Variants in ATXN2 observed in about 807,000 individuals in gnomAD.
The protein encoded by ATXN2 is ataxin-2.
In ATXN2, 37 loss-of-function variants were observed where a neutral mutation model predicts 138.6. The observed-to-expected ratio is 0.27, with a 90% confidence interval of 0.21 to 0.35. ATXN2 has a LOEUF of 0.35. Ranked by LOEUF, ATXN2 falls within the 10% of genes least tolerant of loss-of-function variation. The pLI is 1.00. For synonymous variants in ATXN2, 549 were observed against 543.7 expected (o/e 1.01, Z -0.13); for missense variants, 1,216 against 1,480.3 (o/e 0.82, Z 2.93).
intron 1 of ATXN2, among the ~76,000 whole-genome samples, chr12:111,565,273 C>A (rs1882931843): frequency 6.6e-6 from 1 of 152,134 alleles, no homozygotes; most frequent in Non-Finnish European, 1.5e-5. Flanking sequence ...TTTTGACAAG[C>A]TGACCGTCTG....
intron 14 of ATXN2, among the ~76,000 whole-genome samples, chr12:111,507,089 G>A (rs1308296769): frequency 7.3e-5 from 11 of 150,936 alleles, no homozygotes; most frequent in Admixed American, 2.6e-4. Flanking sequence ...CCGCCACCCC[G>A]TCTGGGAAGT....
At chr12:111,535,767 G>A (rs945720309) in intron 5 of ATXN2, among the ~76,000 whole-genome samples, 15 of 151,988 alleles carry the variant, frequency 9.9e-5, no homozygotes, top group South Asian at 4.2e-4. Context: ...TTGGGAGGCC[G>A]AGGTGGGCGG....
chr12:111,472,615 C>G (rs896370755), intron 18 of ATXN2, among the ~76,000 whole-genome samples: 8 of 152,202 alleles, frequency 5.3e-5, no homozygotes, highest in Admixed American at 5.2e-4. Flanking sequence ...GTTGCCCAAG[C>G]TGGAGTGCAG....
chr12:111,456,242 C>T lies in ATXN2; in HGVS notation c.3057G>A (p.Gln1019=). 1 of 1,614,196 alleles carries T rather than the reference C, an allele frequency of 6.2e-7. No homozygotes were observed. The highest frequency in any genetic ancestry group is 8.5e-7 in the Non-Finnish European group (1 of 1,180,040). Residue 1019 remains glutamine, a synonymous_variant, in exon 23 of 25, where the codon CAG becomes CAA. Coordinates refer to ENST00000673436, the MANE Select transcript of ATXN2 (RefSeq NM_001372574.1). ...APSPVQHHQH[Q]AAQALHLASP... ...TGGCCAGATGGAGAGCCTGGGCGGC[C>T]TGGTGCTGATGGTGCTGCAAAGCGA...
chr12:111,454,467 G>C (rs1354648803), intron 23 of ATXN2: 1 of 154,014 alleles, frequency 6.5e-6, no homozygotes, highest in Non-Finnish European at 1.4e-5. Context: ...AGGAGTTGGA[G>C]TTTTTAATGG....
At chr12:111,560,806 T>C (rs927747381) in intron 1 of ATXN2, among the ~76,000 whole-genome samples, 2 of 149,794 alleles carry the variant, frequency 1.3e-5, no homozygotes, top group Non-Finnish European at 3.0e-5. Flanking sequence ...CCCCACCCAC[T>C]GGAAAAAGAA....
At chr12:111,456,397 G>GAGCA in intron 22 of ATXN2, 141 bp from the exon 23 acceptor site, 1 of 846,566 alleles carries the variant, frequency 1.2e-6, no homozygotes, top group Non-Finnish European at 1.9e-6. Context: ...AGGGTGGTAA[G>GAGCA]AGCAAGGCTG....
chr12:111,511,645 T>C (rs572123922), intron 11 of ATXN2: 1 of 152,220 alleles, frequency 6.6e-6, no homozygotes, highest in South Asian at 2.1e-4. Flanking sequence ...TTTGTATTTT[T>C]AGTAGAGACG....
chr12:111,583,571 G>A (rs1566080275), intron 1 of ATXN2, among the ~76,000 whole-genome samples: 1 of 151,782 alleles, frequency 6.6e-6, no homozygotes, highest in African/African-American at 2.4e-5. Context: ...TTCAAGACCA[G>A]CCTGAACAAC....
intron 3 of ATXN2, among the ~76,000 whole-genome samples, chr12:111,553,604 A>AAAATTTTTTTTTTTTT (rs1882237738): frequency 3.5e-5 from 3 of 85,004 alleles, no homozygotes; most frequent in African/African-American, 1.5e-4. Flanking sequence ...AAAAAAAAAA[A>AAAATTTTTTTTTTTTT]TTTTTTTTTT....
intron 14 of ATXN2, among the ~76,000 whole-genome samples, 159 bp from the exon 15 acceptor site, chr12:111,488,939 A>G (rs1312290000): frequency 6.6e-6 from 1 of 152,236 alleles, no homozygotes; most frequent in East Asian, 1.9e-4. Context: ...TAAACTAACA[A>G]TAACAGAGTA....
intron 5 of ATXN2, among the ~76,000 whole-genome samples, chr12:111,541,346 C>CTTT (rs62932861): frequency 1.2e-4 from 8 of 67,416 alleles, no homozygotes; most frequent in Admixed American, 1.8e-4. Flanking sequence ...AGTTATAATT[C>CTTT]TTTTTTTTTT....
chr12:111,551,295 C>CAA (rs57267901), intron 5 of ATXN2, among the ~76,000 whole-genome samples: 14 of 82,206 alleles, frequency 1.7e-4, no homozygotes, highest in Non-Finnish European at 2.0e-4. Flanking sequence ...GACTCCGTCT[C>CAA]AAAAAAAAAA....
intron 1 of ATXN2, among the ~76,000 whole-genome samples, chr12:111,580,230 C>G (rs1055902931): frequency 3.3e-5 from 5 of 151,912 alleles, no homozygotes; most frequent in African/African-American, 1.2e-4. Flanking sequence ...TAATCCCTCC[C>G]AACACTTTGG....
intron 1 of ATXN2, among the ~76,000 whole-genome samples, chr12:111,577,140 A>G (rs1883711935): frequency 6.6e-6 from 1 of 152,000 alleles, no homozygotes; most frequent in Admixed American, 6.6e-5. Flanking sequence ...CTAAGCATAC[A>G]AAGTTGTACA....
chr12:111,452,857 G>C lies in ATXN2; in HGVS notation c.3440-17C>G, dbSNP rs370749173. The C allele has an allele frequency of 1.7e-5, 28 of 1,605,694 alleles. No homozygotes were observed. Among genetic ancestry groups the C allele is most frequent in the African/African-American group, 2.7e-5 (2 of 74,530 alleles). The stretch of plus-strand genomic sequence containing the variant: ...GGGCTTGTACTGTAAAAAGAAAAGC[G>C]AACATTGAAACAGAAAACTGGCAAC... On this transcript the variant is annotated splice_polypyrimidine_tract_variant and intron_variant, in intron 24 of 24. Transcript: ENST00000673436.
At chr12:111,536,358 T>G (rs1046486620) in intron 5 of ATXN2, among the ~76,000 whole-genome samples, 4 of 151,958 alleles carry the variant, frequency 2.6e-5, no homozygotes, top group African/African-American at 9.7e-5. Flanking sequence ...ATTTTTAAAG[T>G]AAAGTTGTAA....
intron 1 of ATXN2, among the ~76,000 whole-genome samples, chr12:111,590,880 T>A (rs757132242): frequency 3.3e-5 from 5 of 151,950 alleles, no homozygotes; most frequent in Non-Finnish European, 7.4e-5. Flanking sequence ...TGCATAATGA[T>A]CTGAGGTGGA....
intron 5 of ATXN2, among the ~76,000 whole-genome samples, chr12:111,538,780 AAAT>A (rs1414950943): frequency 6.6e-6 from 1 of 150,426 alleles, no homozygotes; most frequent in African/African-American, 2.4e-5. Context: ...ATCAACTAAA[AAAT>A]AATAAAAAAC....
Sources: gnomAD v4.1 joint callset for allele counts (sites outside exome capture counted in the v4.1 genomes callset) on GRCh38, gnomAD v4.1.1 for gene constraint, MANE v1.5 for transcripts, NCBI Gene and HGNC (gene_info 2026-07-23, HGNC 2026-07-21) for gene names.